The following SNX25 variants were observed in gnomAD, a reference collection of about 807,000 sequenced individuals.
SNX25 encodes the protein sorting nexin-25.
Under a neutral mutation model 113.7 loss-of-function variants are expected in SNX25, and 62 were observed. The observed-to-expected ratio is 0.55, with a 90% CI of 0.44 to 0.67. The LOEUF is 0.67. SNX25 is among the 30% of genes least tolerant of loss of function. The pLI is 0.00. For missense variants in SNX25, 1,014 were observed against 1,161.0 expected (o/e 0.87, Z 1.84); for synonymous variants, 421 against 436.2 (o/e 0.97, Z 0.43).
At chr4:185,307,855 A>G (rs182885594) in intron 6 of SNX25, among the ~76,000 whole-genome samples, 60 of 152,332 alleles carry the variant, frequency 3.9e-4, no homozygotes, top group African/African-American at 1.3e-3. Flanking sequence ...CCTGGACTCA[A>G]GTGAACCTCC....
Position 185,342,099 on chromosome 4 carries a change from C to T in SNX25, c.2170C>T (p.His724Tyr), listed in dbSNP as rs1284719665. ...AAGGCTCAGCGAGTTTCAGAATTTA[C>T]ACCGGAAACTCAGTGAGGTATGAAT... ...PRRLSEFQNL[H>Y]RKLSECVPSL... is the part of the protein sequence containing the mutation. The change falls in exon 12 of 19, where the codon CAC (histidine) becomes TAC (tyrosine). Residue 724 changes from histidine (H) to tyrosine (Y), a missense_variant. By Grantham distance (83) the His-to-Tyr change is moderately conservative (BLOSUM62 2). Coordinates refer to ENST00000652585, the MANE Select transcript of SNX25 (RefSeq NM_001378034.2). 2 of 1,601,124 alleles carry T rather than the reference C, an allele frequency of 1.2e-6. No homozygotes were observed. Among genetic ancestry groups the T allele is most frequent in the African/African-American group, 1.3e-5 (1 of 74,374 alleles).
intron 1 of SNX25, among the ~76,000 whole-genome samples, chr4:185,239,256 C>T (rs552913477): frequency 0.045 from 4,407 of 97,774 alleles, 137 homozygotes; most frequent in African/African-American, 0.11. Context: ...CCAAGGCGGG[C>T]AGATCACTTG....
At chr4:185,239,738 C>G (rs562268179) in intron 1 of SNX25, among the ~76,000 whole-genome samples, 86 of 135,748 alleles carry the variant, frequency 6.3e-4, no homozygotes, top group African/African-American at 2.1e-3. Flanking sequence ...GTGTTTTTCA[C>G]TTATTTAAAT....
At chr4:185,277,654 G>A (rs1179453377) in intron 5 of SNX25, among the ~76,000 whole-genome samples, 1 of 148,742 alleles carries the variant, frequency 6.7e-6, no homozygotes, top group Non-Finnish European at 1.5e-5. Flanking sequence ...AACCTCACAA[G>A]CATATGTAAT....
At chr4:185,377,819 A>G in the SNX25 span, 3 of 346,482 alleles carry the variant, frequency 8.7e-6, no homozygotes, top group Admixed American at 4.5e-5. Flanking sequence ...CAAACGTGAC[A>G]TCTGCTTTCT....
intron 5 of SNX25, among the ~76,000 whole-genome samples, chr4:185,272,354 A>C (rs1239114139): frequency 6.6e-6 from 1 of 152,206 alleles, no homozygotes; most frequent in Non-Finnish European, 1.5e-5. Flanking sequence ...TTTTCAAGAT[A>C]AAGTGGGGTC....
At chr4:185,283,956 A>G (rs1181096244) in intron 5 of SNX25, among the ~76,000 whole-genome samples, 2 of 152,244 alleles carry the variant, frequency 1.3e-5, no homozygotes, top group African/African-American at 4.8e-5. Flanking sequence ...CATTTGTTCC[A>G]AAGCATGAAT....
At chr4:185,309,681 A>G (rs990219922) in intron 6 of SNX25, among the ~76,000 whole-genome samples, 7 of 152,174 alleles carry the variant, frequency 4.6e-5, no homozygotes, top group Non-Finnish European at 1.0e-4. Flanking sequence ...CTGGCCTGCC[A>G]TAACCCTGGT....
rs748225136 is a variant in SNX25, at chr4:185,351,590, ACTT to A, written c.2453_2455del (p.Phe818del). On this transcript the variant is annotated inframe_deletion, in exon 14 of 19. Transcript: ENST00000652585. Reference sequence around the variant, plus strand: ...TCATTTTTGGAAAGACTTCCTCGCGACTTCTTCTCCCACCAGGAGGTGAGCCGT... The same window carrying A: ...TCATTTTTGGAAAGACTTCCTCGCGACTTCTCCCACCAGGAGGTGAGCCGT... 1.2e-6 allele frequency: 2 copies of A among 1,614,038 alleles called. No individual in the cohort carries two copies. The highest frequency in any genetic ancestry group is 2.2e-5 in the East Asian group (1 of 44,868).
intron 1 of SNX25, 50 bp from the exon 2 acceptor site, chr4:185,247,244 T>C (rs1560931751): frequency 8.1e-7 from 1 of 1,238,544 alleles, no homozygotes; most frequent in South Asian, 1.4e-5. Context: ...TTTTTTTATG[T>C]GATTTATTCA....
chr4:185,377,187 G>A, the SNX25 span: 17 of 609,678 alleles, frequency 2.8e-5, no homozygotes, highest in East Asian at 2.3e-4. Context: ...CTGAAAAAAC[G>A]TCATGGTCAC....
At chr4:185,222,463 A>AGG (rs1480059455) in intron 1 of SNX25, among the ~76,000 whole-genome samples, 2 of 151,458 alleles carry the variant, frequency 1.3e-5, no homozygotes, top group Admixed American at 6.6e-5. Flanking sequence ...GTAGGTATTC[A>AGG]GCACCCTATA....
rs1326311830 is a variant in SNX25, at chr4:185,363,500, G to A, written c.*35G>A. On this transcript the variant is annotated 3_prime_UTR_variant, in exon 19 of 19. Transcript: ENST00000652585. The surrounding 1 kb of genome is among the most constrained non-coding windows in gnomAD (Gnocchi z 4.2). ...AATAAACCACCAGAAAAATGTCTGT[G>A]TAATAATAGACATGAAACATTTTCC... 48 of 1,580,888 alleles carry A rather than the reference G, an allele frequency of 3.0e-5. No homozygotes were observed. The highest frequency in any genetic ancestry group is 4.2e-5 in the Non-Finnish European group (48 of 1,150,200).
intron 7 of SNX25, among the ~76,000 whole-genome samples, chr4:185,320,402 CACTCGTA>C (rs1287517274): frequency 6.6e-6 from 1 of 152,064 alleles, no homozygotes; most frequent in Admixed American, 6.5e-5. Flanking sequence ...CACATGTTCT[CACTCGTA>C]AGTGGGAGCT....
intron 9 of SNX25, among the ~76,000 whole-genome samples, chr4:185,329,703 A>G (rs1015198585): frequency 2.7e-5 from 4 of 149,432 alleles, no homozygotes; most frequent in Non-Finnish European, 5.9e-5. Context: ...GAGAGAGAGA[A>G]GAGAGGATGA....
At chr4:185,277,716 T>C (rs60699856) in intron 5 of SNX25, among the ~76,000 whole-genome samples, 21 of 54,980 alleles carry the variant, frequency 3.8e-4, no homozygotes, top group East Asian at 1.1e-3. Context: ...TGAGTACTTA[T>C]TACCTTTTTT....
chr4:185,369,372 CA>C (rs1561073330), intron 11 of SNX25, among the ~76,000 whole-genome samples: 66 of 151,626 alleles, frequency 4.4e-4, no homozygotes, highest in African/African-American at 1.6e-3. Flanking sequence ...CACACATTGC[CA>C]TGCCTGGCTA....
chr4:185,214,014 G>A (rs1180077946), intron 1 of SNX25, among the ~76,000 whole-genome samples: 1 of 150,716 alleles, frequency 6.6e-6, no homozygotes, highest in Non-Finnish European at 1.5e-5. Flanking sequence ...ATGTAACCGA[G>A]TACCCCTACT....
chr4:185,228,788 C>G (rs893903801), intron 1 of SNX25, among the ~76,000 whole-genome samples: 6 of 152,324 alleles, frequency 3.9e-5, no homozygotes, highest in African/African-American at 1.2e-4. Context: ...ATTGGGCCCT[C>G]ATTGTGAACC....
Sources: allele counts gnomAD v4.1 joint callset (sites outside exome capture counted in the v4.1 genomes callset), GRCh38; gene constraint gnomAD v4.1.1; non-coding constraint Gnocchi (gnomAD v3.1); transcripts MANE v1.5; gene names NCBI Gene and HGNC (gene_info 2026-07-23, HGNC 2026-07-21).